ANKAR: variants seen among roughly 807,000 people sequenced by gnomAD.
ANKAR encodes the protein ankyrin and armadillo repeat-containing protein.
ANKAR carries 136 observed loss-of-function variants against 146.2 expected under a neutral mutation model. The observed-to-expected ratio is 0.93, with a 90% CI of 0.81 to 1.07. The LOEUF (loss-of-function observed/expected upper bound fraction) is 1.07, where lower values mean the gene tolerates loss of function less well. Among genes scored for constraint, ANKAR ranks in the 50% least tolerant of loss-of-function variants. The probability of loss-of-function intolerance (pLI) is 0.00; values close to 1 mark genes in which losing one functional copy is unlikely to be tolerated. For synonymous variants in ANKAR, 500 were observed against 575.8 expected, an observed-to-expected ratio of 0.87 and a Z score of 1.88; for missense variants, 1,567 against 1,679.9, an observed-to-expected ratio of 0.93 and a Z score of 1.18.
intron 7 of ANKAR, among the ~76,000 whole-genome samples, chr2:189,698,003 A>G (rs1040414994): frequency 3.9e-5 from 6 of 152,160 alleles, no homozygotes; most frequent in African/African-American, 9.6e-5. Flanking sequence ...GTTCTTATTC[A>G]TATGAGTCTT....
chr2:189,710,458 C>T (rs368759189), intron 9 of ANKAR, among the ~76,000 whole-genome samples: 9 of 152,084 alleles, frequency 5.9e-5, no homozygotes, highest in South Asian at 2.1e-4. Flanking sequence ...TATTTTCCAA[C>T]GGAATTTGAA....
chr2:189,738,512 G>A, intron 18 of ANKAR, 53 bp from the exon 19 acceptor site: 3 of 1,075,896 alleles, frequency 2.8e-6, no homozygotes, highest in Middle Eastern at 2.1e-4. Context: ...CGTGTAATTA[G>A]AGAAGCTGAG....
In ANKAR at chr2:189,733,248, A is replaced by G. The variant is rs754896879; in HGVS notation, c.3423+19A>G. The G allele has an allele frequency of 3.2e-6, 5 of 1,559,124 alleles. No individual in the cohort carries two copies. The East Asian group carries it at 1.1e-4, about 35-fold the overall frequency. Reference sequence around the variant, plus strand: ...AGAAAAGGTAATACCTTTACAAAATATTGAGGTTCATTTTGAAAAAAATGG... The same window carrying G: ...AGAAAAGGTAATACCTTTACAAAATGTTGAGGTTCATTTTGAAAAAAATGG... On this transcript the variant is annotated intron_variant, in intron 17 of 22. Transcript: ENST00000684021.
At chr2:189,711,451 C>T (rs2039669307) in intron 10 of ANKAR, among the ~76,000 whole-genome samples, 1 of 152,160 alleles carries the variant, frequency 6.6e-6, no homozygotes, top group South Asian at 2.1e-4. Flanking sequence ...TTTATACTTA[C>T]TTTCATTTAG....
At chr2:189,752,915 G>C in intron 18 of ANKAR, 2 of 1,613,654 alleles carry the variant, frequency 1.2e-6, no homozygotes, top group Non-Finnish European at 1.7e-6. Flanking sequence ...GCACTGTGTT[G>C]CATTTGTTAA....
chr2:189,693,430 T>C (rs572478443), intron 5 of ANKAR, among the ~76,000 whole-genome samples: 1 of 152,314 alleles, frequency 6.6e-6, no homozygotes, highest in South Asian at 2.1e-4. Context: ...AGTGGTTAAA[T>C]AGGGGTAGAG....
At chr2:189,741,976 AATG>A (rs1317786578) in intron 20 of ANKAR, among the ~76,000 whole-genome samples, 2 of 152,214 alleles carry the variant, frequency 1.3e-5, no homozygotes. Context: ...ATTTGAAATG[AATG>A]AAAATGGAAT....
chr2:189,674,932 G>A (rs2033265367), intron 1 of ANKAR, 102 bp downstream of exon 1: 1 of 152,248 alleles, frequency 6.6e-6, no homozygotes, highest in South Asian at 2.1e-4. Flanking sequence ...ACAGACGTGG[G>A]TTCTGTTTCT....
At chr2:189,686,495 T>C (rs572379489) in intron 2 of ANKAR, among the ~76,000 whole-genome samples, 1 of 152,368 alleles carries the variant, frequency 6.6e-6, no homozygotes, top group African/African-American at 2.4e-5. Context: ...TTAATTCTTA[T>C]TTATTAAATG....
chr2:189,757,965 C>T (rs962767578), intron 18 of ANKAR, among the ~76,000 whole-genome samples: 1 of 152,198 alleles, frequency 6.6e-6, no homozygotes, highest in Non-Finnish European at 1.5e-5. Context: ...GCCCAAATCT[C>T]ATGTAGAATG....
At chr2:189,702,184 G>C (rs1359391303) in intron 7 of ANKAR, among the ~76,000 whole-genome samples, 2 of 152,190 alleles carry the variant, frequency 1.3e-5, no homozygotes, top group Non-Finnish European at 2.9e-5. Flanking sequence ...CTCTGGTAAA[G>C]TAGTTTCTCT....
chr2:189,706,788 A>T (rs988356422), intron 8 of ANKAR, 150 bp from the exon 9 acceptor site: 1 of 601,792 alleles, frequency 1.7e-6, no homozygotes, highest in Non-Finnish European at 2.9e-6. Flanking sequence ...AGGCAAATCC[A>T]TTTACATGTA....
Position 189,697,970 on chromosome 2 carries a change from A to G in ANKAR, c.1708+1601A>G, listed in dbSNP as rs114613501. On this transcript the variant is annotated intron_variant, in intron 7 of 22. Transcript: ENST00000684021. ...CAACACTGTTCGATGTAATCTTGCC[A>G]GATACATCTACATAGTCATTTTGTT... Among the ~76,000 whole-genome samples the G allele has an allele frequency of 5.5e-3, 833 of 152,238 alleles. 3 individuals are homozygous for G. The highest frequency in any genetic ancestry group is 0.018 in the African/African-American group (753 of 41,538).
At chr2:189,710,720 G>A (rs1053767203) in intron 9 of ANKAR, among the ~76,000 whole-genome samples, 1 of 152,186 alleles carries the variant, frequency 6.6e-6, no homozygotes, top group Non-Finnish European at 1.5e-5. Context: ...TAGATTACCT[G>A]AGCCCAGGGA....
chr2:189,749,056 C>G (rs553234636), downstream of ANKAR, among the ~76,000 whole-genome samples: 5 of 151,904 alleles, frequency 3.3e-5, no homozygotes, highest in Non-Finnish European at 7.4e-5. Flanking sequence ...ACCAGCCTAG[C>G]CAGCATGGTG....
chr2:189,714,864 T>G (rs112779125), intron 10 of ANKAR, among the ~76,000 whole-genome samples: 5,377 of 145,776 alleles, frequency 0.037, 331 homozygotes, highest in African/African-American at 0.13. Flanking sequence ...GACAATGGCA[T>G]GAACCCCGGA....
At position 189,705,154 on chromosome 2, in the gene ANKAR, GACA is replaced by G. The variant is rs2038746456; in HGVS notation, c.1843_1845del (p.Asn615del). The stretch of plus-strand genomic sequence containing the variant: ...GCCGATTCACTTTGCCGCTTTCTAT[GACA>G]ACGTTTGCATCATTATTGCTCTCTG... On this transcript the variant is annotated inframe_deletion, in exon 8 of 23. Coordinates refer to ENST00000684021, the MANE Select transcript of ANKAR (RefSeq NM_001378068.1). 1 of 1,614,136 alleles carries G rather than the reference GACA, an allele frequency of 6.2e-7. No homozygotes were observed. The highest frequency in any genetic ancestry group is 8.5e-7 in the Non-Finnish European group (1 of 1,180,022).
chr2:189,696,252 G>T lies in ANKAR; in HGVS notation c.1591G>T (p.Glu531Ter), dbSNP rs531145024. 23 of 1,614,094 alleles carry T rather than the reference G, an allele frequency of 1.4e-5. No individual in the cohort carries two copies. In the East Asian group the frequency reaches 4.5e-4, roughly 31 times the overall value. ...TSSSTINVSD[E>*]AGYTIFHHAA... is the part of the protein sequence containing the mutation. The stretch of plus-strand genomic sequence containing the variant: ...AAGCTCAACAATCAATGTTTCAGAT[G>T]AAGCAGGTTATACTATTTTTCATCA... The change falls in exon 7 of 23, where the codon GAA (glutamate) becomes TAA (stop). Residue 531 changes from glutamate (E) to a stop codon, truncating the protein, a stop_gained. Transcript: ENST00000684021. LOFTEE classifies it high-confidence loss of function.
In ANKAR at chr2:189,736,499, G is replaced by GTTTTTTTTTTTTTTTTTTTT. The variant is rs71938893; in HGVS notation, c.3424-1180_3424-1179insTTTTTTTTTTTTTTTTTTTT. ...TCTTTTTGCCTATTTAGGTGACTGGGTTTTGTGTGTGTGTGTGTGTGTGTG... is the reference window on the plus strand; with the variant it reads ...TCTTTTTGCCTATTTAGGTGACTGGGTTTTTTTTTTTTTTTTTTTTTTTTGTGTGTGTGTGTGTGTGTGTG... On this transcript the variant is annotated intron_variant, in intron 17 of 22. Transcript: ENST00000684021. 2.6e-5 allele frequency among the ~76,000 whole-genome samples: 3 copies of GTTTTTTTTTTTTTTTTTTTT among 113,708 alleles called. 1 individual carries two copies. The highest frequency in any genetic ancestry group is 3.6e-5 in the Non-Finnish European group (2 of 55,296). The allele number at this position is 113,708 out of a possible 152,430, so 74.6% of individuals were successfully genotyped here.
Sources: gnomAD v4.1 joint callset for allele counts (sites outside exome capture counted in the v4.1 genomes callset) on GRCh38, gnomAD v4.1.1 for gene constraint, MANE v1.5 for transcripts, NCBI Gene and HGNC (gene_info 2026-07-23, HGNC 2026-07-21) for gene names.